CTNNA2: variants seen among roughly 807,000 people sequenced by gnomAD.
CTNNA2 encodes the protein catenin alpha 2.
CTNNA2 carries 42 observed loss-of-function variants against 101.0 expected under a neutral mutation model. The observed-to-expected ratio is 0.42, with a 90% CI of 0.32 to 0.54. The LOEUF (loss-of-function observed/expected upper bound fraction) is 0.54, where lower values mean the gene tolerates loss of function less well. CTNNA2 is among the 20% of genes least tolerant of loss of function. The pLI is 0.14. For missense variants in CTNNA2, 871 were observed against 1,223.1 expected (o/e 0.71, Z 4.29); for synonymous variants, 450 against 456.4 (o/e 0.99, Z 0.18).
At chr2:80,402,134 G>T (rs1048583388) in intron 8 of CTNNA2, among the ~76,000 whole-genome samples, 3 of 152,140 alleles carry the variant, frequency 2.0e-5, no homozygotes, top group African/African-American at 7.2e-5. Context: ...CAGGGAAACT[G>T]CACACTTTTA....
chr2:80,433,363 T>C (rs1265211639), intron 9 of CTNNA2, among the ~76,000 whole-genome samples: 1 of 151,882 alleles, frequency 6.6e-6, no homozygotes, highest in Admixed American at 6.6e-5. Flanking sequence ...GGGTGAATCA[T>C]ACCCCTCCAG....
chr2:79,669,867 G>A (rs1682706720), intron 2 of CTNNA2, among the ~76,000 whole-genome samples: 2 of 152,178 alleles, frequency 1.3e-5, no homozygotes, highest in African/African-American at 4.8e-5. Flanking sequence ...ATTGGTCCAT[G>A]GGCGGCCAGC....
At chr2:79,411,470 A>G (rs1227032040) in intron 4 of CTNNA2, among the ~76,000 whole-genome samples, 1 of 152,054 alleles carries the variant, frequency 6.6e-6, no homozygotes, top group African/African-American at 2.4e-5. Flanking sequence ...GAAATGAAGG[A>G]AAAAATGTTA....
Position 79,445,631 on chromosome 2 carries a change from A to G in CTNNA2, c.-134-59423A>G, listed in dbSNP as rs186971911. On this transcript the variant is annotated intron_variant, in intron 4 of 21. Coordinates refer to the CTNNA2 transcript ENST00000466387. ...TAATCACCTGTTGATTAGTGGTTCT[A>G]AGCTATTAATTGTGGGATGTCTAAA... Among the ~76,000 whole-genome samples, 336 of 152,264 alleles carry G rather than the reference A, an allele frequency of 2.2e-3. 6 individuals are homozygous for G. Among genetic ancestry groups the G allele is most frequent in the Non-Finnish European group, 1.1e-3 (73 of 68,008 alleles).
At chr2:80,149,407 A>G (rs756095408) in intron 7 of CTNNA2, among the ~76,000 whole-genome samples, 8 of 152,188 alleles carry the variant, frequency 5.3e-5, no homozygotes, top group Non-Finnish European at 1.0e-4. Context: ...ATATTTCTCT[A>G]TAGATGGACA....
chr2:79,441,428 C>T (rs561690841), intron 4 of CTNNA2, among the ~76,000 whole-genome samples: 1 of 152,210 alleles, frequency 6.6e-6, no homozygotes, highest in South Asian at 2.1e-4. Flanking sequence ...TCTCTGTCTC[C>T]ACCATATGCA....
intron 4 of CTNNA2, among the ~76,000 whole-genome samples, chr2:79,498,748 C>T (rs190434958): frequency 1.7e-3 from 257 of 152,234 alleles, no homozygotes; most frequent in Non-Finnish European, 2.7e-3. Flanking sequence ...AGTAGGCTCA[C>T]GTTGTATACT....
chr2:80,337,167 G>A (rs532338865), intron 7 of CTNNA2, among the ~76,000 whole-genome samples: 3 of 151,952 alleles, frequency 2.0e-5, no homozygotes, highest in Non-Finnish European at 2.9e-5. Context: ...CATCCTGGTT[G>A]ACATGGTGAA....
At chr2:80,186,059 G>A (rs1706105322) in intron 7 of CTNNA2, among the ~76,000 whole-genome samples, 1 of 152,144 alleles carries the variant, frequency 6.6e-6, no homozygotes, top group Non-Finnish European at 1.5e-5. Context: ...GGATGGCAAA[G>A]CCAGACTGTG....
chr2:80,269,854 AT>A (rs1437536343), intron 7 of CTNNA2, among the ~76,000 whole-genome samples: 15 of 152,150 alleles, frequency 9.9e-5, no homozygotes, highest in Non-Finnish European at 1.6e-4. Flanking sequence ...TTTATGAATT[AT>A]TTTTTATATT....
At chr2:79,199,206 C>A (rs1187099464) in intron 2 of CTNNA2, among the ~76,000 whole-genome samples, 1 of 152,192 alleles carries the variant, frequency 6.6e-6, no homozygotes, top group Non-Finnish European at 1.5e-5. Flanking sequence ...CAAAGAGAGG[C>A]TATAACATGT....
chr2:79,269,120 G>A (rs1675028016), intron 2 of CTNNA2, among the ~76,000 whole-genome samples: 1 of 152,002 alleles, frequency 6.6e-6, no homozygotes, highest in African/African-American at 2.4e-5. Flanking sequence ...ATACACCTGA[G>A]GTGTACTGAG....
At chr2:79,374,239 A>C (rs1677935310) in intron 4 of CTNNA2, among the ~76,000 whole-genome samples, 1 of 152,178 alleles carries the variant, frequency 6.6e-6, no homozygotes, top group Non-Finnish European at 1.5e-5. Context: ...AGTGCATAAC[A>C]ATGCATACCT....
At chr2:79,605,690 G>A (rs1288196057) in intron 1 of CTNNA2, among the ~76,000 whole-genome samples, 1 of 152,044 alleles carries the variant, frequency 6.6e-6, no homozygotes, top group African/African-American at 2.4e-5. Flanking sequence ...GATGGCTTGA[G>A]GCCAGGAGTT....
At chr2:80,059,367 A>G (rs1697426361) in intron 7 of CTNNA2, among the ~76,000 whole-genome samples, 1 of 152,214 alleles carries the variant, frequency 6.6e-6, no homozygotes, top group Non-Finnish European at 1.5e-5. Context: ...TTGTAGCCCA[A>G]TAGAGTACAT....
chr2:80,326,093 G>T (rs189926583), intron 7 of CTNNA2, among the ~76,000 whole-genome samples: 2 of 152,172 alleles, frequency 1.3e-5, no homozygotes, highest in Non-Finnish European at 2.9e-5. Flanking sequence ...TTTCAAAGTC[G>T]CAGTGGTGAA....
intron 7 of CTNNA2, among the ~76,000 whole-genome samples, chr2:80,294,555 G>GT (rs1573620163): frequency 6.6e-6 from 1 of 152,084 alleles, no homozygotes; most frequent in African/African-American, 2.4e-5. Context: ...AGATTGCTGA[G>GT]TTGTCCATGC....
At chr2:79,647,302 T>C (rs1680888762) in intron 1 of CTNNA2, among the ~76,000 whole-genome samples, 1 of 152,208 alleles carries the variant, frequency 6.6e-6, no homozygotes, top group Admixed American at 6.5e-5. Context: ...AAAAAGGAAA[T>C]TTAAATTTGG....
Position 79,272,796 on chromosome 2 carries a change from T to G in CTNNA2, c.-405-39913T>G, listed in dbSNP as rs180814466. Among the ~76,000 whole-genome samples the G allele has an allele frequency of 3.3e-5, 5 of 152,238 alleles. No homozygotes were observed. In the East Asian group the frequency reaches 9.7e-4, roughly 29 times the overall value. ...GGCTGAATTCTGTTTTTGTCTTGTT[T>G]TCACCTAACTTTTGATAGTGAAATT... On this transcript the variant is annotated intron_variant, in intron 2 of 21. Coordinates refer to the CTNNA2 transcript ENST00000466387.
Sources: allele counts gnomAD v4.1 joint callset (sites outside exome capture counted in the v4.1 genomes callset), GRCh38; gene constraint gnomAD v4.1.1; transcripts MANE v1.5; gene names NCBI Gene and HGNC (gene_info 2026-07-23, HGNC 2026-07-21).